ACAP2: variants seen among roughly 807,000 people sequenced by gnomAD.
ACAP2 encodes arf-GAP with coiled-coil, ANK repeat and PH domain-containing protein 2.
A neutral mutation model predicts 115.8 loss-of-function variants in ACAP2; 39 were observed. That is an observed-to-expected ratio of 0.34 (90% confidence interval 0.26 to 0.44). The LOEUF is 0.44. ACAP2 is among the 20% of genes least tolerant of loss of function. ACAP2 has a pLI of 1.00. For synonymous variants in ACAP2, 289 were observed against 315.8 expected (o/e 0.92, Z 0.90); for missense variants, 662 against 927.6 (o/e 0.71, Z 3.72).
chr3:195,404,211 G>A (rs1170332574), intron 1 of ACAP2, among the ~76,000 whole-genome samples: 1 of 151,946 alleles, frequency 6.6e-6, no homozygotes, highest in Non-Finnish European at 1.5e-5. Context: ...TCATAGAGAA[G>A]GGAAGTGAAA....
At chr3:195,438,190 T>G (rs1343137026) in intron 1 of ACAP2, among the ~76,000 whole-genome samples, 1 of 151,624 alleles carries the variant, frequency 6.6e-6, no homozygotes, top group East Asian at 1.9e-4. Flanking sequence ...CACGCCCACC[T>G]AATTTTTTTG....
At position 195,297,373 on chromosome 3, in the gene ACAP2, A is replaced by G; in HGVS notation, c.1396-92T>C. On this transcript the variant is annotated intron_variant, in intron 15 of 22. Coordinates refer to ENST00000326793, the MANE Select transcript of ACAP2 (RefSeq NM_012287.6). ...AAAATCCTTTAAGCAAGTACAGTTA[A>G]CTAATCCCCTTACACATTCTGCAGA... 2 of 1,033,704 alleles carry G rather than the reference A, an allele frequency of 1.9e-6. 1 individual carries two copies. Among genetic ancestry groups the G allele is most frequent in the Middle Eastern group, 6.2e-4 (2 of 3,206 alleles). The allele number at this position is 1,033,704 out of a possible 1,614,324, so 64.0% of individuals were successfully genotyped here.
At chr3:195,437,617 C>A (rs1470284884) in intron 1 of ACAP2, among the ~76,000 whole-genome samples, 1 of 151,850 alleles carries the variant, frequency 6.6e-6, no homozygotes, top group Middle Eastern at 3.2e-3. Flanking sequence ...AGTTCAAGAC[C>A]AGCCTGGCCA....
At chr3:195,345,775 G>C (rs182609362) in intron 4 of ACAP2, among the ~76,000 whole-genome samples, 1 of 152,240 alleles carries the variant, frequency 6.6e-6, no homozygotes, top group East Asian at 1.9e-4. Context: ...GGACTTAAAT[G>C]AATATTTTAA....
chr3:195,291,815 C>A lies in ACAP2; in HGVS notation c.1954G>T (p.Gly652Cys). The A allele has an allele frequency of 1.2e-6, 2 of 1,602,582 alleles. No homozygotes were observed. The highest frequency in any genetic ancestry group is 1.1e-5 in the South Asian group (1 of 88,498). Residue 652 changes from glycine to cysteine, a missense_variant and splice_region_variant, in exon 20 of 23, where the codon GGC becomes TGC. This residue lies in a region of ACAP2 where 128 missense variants were observed against 200.2 expected (regional missense o/e 0.64). Transcript: ENST00000326793. ...AGGAACTCACACGTCACCAAAGAGC[C>A]CTTAAAGGAAAAAAGAGGATAACTA... ...ATPLIQAVLG[G>C]SLVTCEFLLQ...
At chr3:195,389,044 TA>T (rs769670440) in intron 2 of ACAP2, among the ~76,000 whole-genome samples, 4,114 of 135,170 alleles carry the variant, frequency 0.03, 147 homozygotes, top group African/African-American at 0.094. Context: ...AATTAAAAAT[TA>T]AAAAAAAAAA....
At chr3:195,368,121 G>A (rs1732855969) in intron 4 of ACAP2, among the ~76,000 whole-genome samples, 1 of 152,140 alleles carries the variant, frequency 6.6e-6, no homozygotes, top group Non-Finnish European at 1.5e-5. Flanking sequence ...GGTACTATTT[G>A]TATGCCTGTC....
intron 9 of ACAP2, chr3:195,325,372 T>G (rs1248035735): frequency 2.4e-6 from 1 of 418,178 alleles, no homozygotes; most frequent in Non-Finnish European, 4.6e-6. Flanking sequence ...AAAATCTACA[T>G]AACTACAGGA....
chr3:195,275,707 A>G lies in ACAP2; in HGVS notation c.*3621T>C, dbSNP rs1486288858. 1 of 152,198 alleles carries G rather than the reference A, an allele frequency of 6.6e-6. No individual in the cohort carries two copies. The highest frequency in any genetic ancestry group is 2.4e-5 in the African/African-American group (1 of 41,458). The allele number at this position is 152,198 out of a possible 1,614,324, so 9.4% of individuals were successfully genotyped here. Reference sequence around the variant, plus strand: ...CCCTGCTCTGTAAAACAAAAGGAGCACCCTAGGATCAAAAAAGTAGACAAC... The same window carrying G: ...CCCTGCTCTGTAAAACAAAAGGAGCGCCCTAGGATCAAAAAAGTAGACAAC... On this transcript the variant is annotated 3_prime_UTR_variant, in exon 23 of 23. Coordinates refer to ENST00000326793, the MANE Select transcript of ACAP2 (RefSeq NM_012287.6).
intron 4 of ACAP2, among the ~76,000 whole-genome samples, chr3:195,351,546 C>G (rs1731605448): frequency 6.6e-6 from 1 of 151,640 alleles, no homozygotes; most frequent in South Asian, 2.1e-4. Context: ...ACTGCAAGCT[C>G]CACCTCCCGG....
chr3:195,417,237 T>C (rs1167715026), intron 1 of ACAP2, among the ~76,000 whole-genome samples: 1 of 151,812 alleles, frequency 6.6e-6, no homozygotes, highest in Non-Finnish European at 1.5e-5. Flanking sequence ...TGGCCTCAAA[T>C]CTTTATCTCC....
chr3:195,285,620 G>A, intron 22 of ACAP2, 176 bp downstream of exon 22: 1 of 547,608 alleles, frequency 1.8e-6, no homozygotes, highest in Non-Finnish European at 3.2e-6. Flanking sequence ...GCCACCCAAG[G>A]ATTCAGTTAA....
intron 4 of ACAP2, among the ~76,000 whole-genome samples, chr3:195,346,791 T>C (rs1290370484): frequency 2.6e-5 from 4 of 152,270 alleles, no homozygotes; most frequent in South Asian, 2.1e-4. Flanking sequence ...CCAGTGAATA[T>C]AGAAACAAAC....
intron 4 of ACAP2, among the ~76,000 whole-genome samples, chr3:195,378,555 TA>T (rs1322348353): frequency 1.4e-5 from 2 of 147,736 alleles, no homozygotes; most frequent in African/African-American, 5.0e-5. Flanking sequence ...CCAAAGGAAA[TA>T]ATACATATAT....
At chr3:195,318,289 G>T (rs192091280) in intron 10 of ACAP2, among the ~76,000 whole-genome samples, 62 of 152,334 alleles carry the variant, frequency 4.1e-4, no homozygotes, top group South Asian at 8.3e-4. Context: ...GCAGAGTGGG[G>T]TACTGCTGCA....
chr3:195,318,721 G>A (rs1729249810), intron 10 of ACAP2, among the ~76,000 whole-genome samples: 1 of 152,184 alleles, frequency 6.6e-6, no homozygotes, highest in South Asian at 2.1e-4. Context: ...ATAAGAAATT[G>A]GAACTTAGTT....
At position 195,292,390 on chromosome 3, in the gene ACAP2, G is replaced by A; in HGVS notation, c.1828C>T (p.Leu610Phe). 6.2e-7 allele frequency: 1 copy of A among 1,613,286 alleles called. No homozygotes were observed. Among genetic ancestry groups the A allele is most frequent in the African/African-American group, 1.3e-5 (1 of 74,948 alleles). ...TTTTTTTCATATGACGCCCTATAAA[G>A]CTGAAGTCCTGGATTAAGATGTTTC... is the stretch of plus-strand genomic sequence containing the variant. Reference protein sequence around the residue: ...DSKHLNPGLQLYRASYEKNLP... With the variant: ...DSKHLNPGLQFYRASYEKNLP... The change falls in exon 19 of 23, where the codon CTT becomes TTT. Residue 610 changes from leucine to phenylalanine, a missense_variant. Physicochemically the swap from Leu to Phe is conservative, Grantham distance 22. Coordinates refer to ENST00000326793, the MANE Select transcript of ACAP2 (RefSeq NM_012287.6).
chr3:195,292,526 A>C, intron 18 of ACAP2, 74 bp from the exon 19 acceptor site: 6 of 1,421,476 alleles, frequency 4.2e-6, no homozygotes, highest in Non-Finnish European at 4.8e-6. Flanking sequence ...TAATAGGTAG[A>C]GTTTCAGTTT....
At position 195,276,805 on chromosome 3, in the gene ACAP2, C is replaced by G. The variant is rs867063431; in HGVS notation, c.*2523G>C. Reference sequence around the variant, plus strand: ...TTGTAACTATTAATTTAATTTAAAGCCTTGCTGTTTACTCCATCATTTCTG... The same window carrying G: ...TTGTAACTATTAATTTAATTTAAAGGCTTGCTGTTTACTCCATCATTTCTG... On this transcript the variant is annotated 3_prime_UTR_variant, in exon 23 of 23. Coordinates refer to ENST00000326793, the MANE Select transcript of ACAP2 (RefSeq NM_012287.6). The G allele has an allele frequency of 2.0e-5, 3 of 152,152 alleles. No individual in the cohort carries two copies. Among genetic ancestry groups the G allele is most frequent in the South Asian group, 2.1e-4 (1 of 4,820 alleles). 9.4% of individuals were successfully genotyped at this position (152,152 alleles called of 1,614,324 possible).
Sources: allele counts gnomAD v4.1 joint callset (sites outside exome capture counted in the v4.1 genomes callset), GRCh38; gene constraint gnomAD v4.1.1; regional missense constraint gnomAD v4.1.1; transcripts MANE v1.5; gene names NCBI Gene and HGNC (gene_info 2026-07-23, HGNC 2026-07-21).